The following TXK variants were observed in gnomAD, a reference collection of about 807,000 sequenced individuals.
TXK encodes tyrosine-protein kinase TXK.
In TXK, 60 loss-of-function variants were observed where a neutral mutation model predicts 81.0. The observed-to-expected ratio is 0.74, with a 90% CI of 0.60 to 0.92. TXK has a LOEUF of 0.92. Among genes scored for constraint, TXK ranks in the 40% least tolerant of loss-of-function variants. The pLI is 0.00. For missense variants in TXK, 581 were observed against 638.3 expected (o/e 0.91, Z 0.97); for synonymous variants, 203 against 210.7 (o/e 0.96, Z 0.32).
At chr4:48,088,589 T>C (rs1357981080) in intron 9 of TXK, among the ~76,000 whole-genome samples, 1 of 152,198 alleles carries the variant, frequency 6.6e-6, no homozygotes, top group Non-Finnish European at 1.5e-5. Flanking sequence ...TCCGATTCTG[T>C]TTATATAACG....
chr4:48,094,095 G>A lies in TXK; in HGVS notation c.691C>T (p.His231Tyr), dbSNP rs1297565975. 1 of 1,613,490 alleles carries A rather than the reference G, an allele frequency of 6.2e-7. No individual in the cohort carries two copies. Among genetic ancestry groups the A allele is most frequent in the African/African-American group, 1.3e-5 (1 of 74,920 alleles). ...CTCTTACCGGCTGCATTGTGCTGGT[G>A]ATACCAGATTAACTCAGGGATTGAT... ...FQSIPELIWY[H>Y]QHNAAGLMTR... Residue 231 changes from histidine (H) to tyrosine (Y), a missense_variant, in exon 8 of 15, where the codon CAC becomes TAC. Physicochemically the swap from His to Tyr is moderately conservative, Grantham distance 83. Coordinates refer to ENST00000264316, the MANE Select transcript of TXK (RefSeq NM_003328.3).
chr4:48,076,378 CAT>C (rs763504519), intron 12 of TXK, 22 bp downstream of exon 12: 39 of 1,500,578 alleles, frequency 2.6e-5, no homozygotes, highest in African/African-American at 9.9e-5. Flanking sequence ...AAACAAAATA[CAT>C]ATATATATAC....
intron 7 of TXK, among the ~76,000 whole-genome samples, 166 bp downstream of exon 7, chr4:48,094,977 T>C (rs905373727): frequency 7.2e-5 from 11 of 152,350 alleles, no homozygotes; most frequent in African/African-American, 9.6e-5. Context: ...AAGAAACTTA[T>C]GCAATGTCAC....
intron 10 of TXK, among the ~76,000 whole-genome samples, chr4:48,082,857 G>A (rs1717363288): frequency 6.6e-6 from 1 of 152,138 alleles, no homozygotes; most frequent in Admixed American, 6.5e-5. Flanking sequence ...CAGAGAATCG[G>A]CTGTTGGATG....
chr4:48,095,715 G>A (rs151251670), intron 6 of TXK, among the ~76,000 whole-genome samples: 4 of 152,272 alleles, frequency 2.6e-5, no homozygotes, highest in Admixed American at 6.5e-5. Context: ...ATATGGGGGA[G>A]TCTGAAAAGA....
In TXK at chr4:48,080,136, A is replaced by G. The variant is rs2109408888; in HGVS notation, c.957-8T>C. 3.7e-6 allele frequency: 6 copies of G among 1,604,714 alleles called. No homozygotes were observed. Among genetic ancestry groups the G allele is most frequent in the Non-Finnish European group, 5.1e-6 (6 of 1,171,538 alleles). On this transcript the variant is annotated splice_polypyrimidine_tract_variant and splice_region_variant and intron_variant, in intron 10 of 14. Transcript: ENST00000264316. The stretch of plus-strand genomic sequence containing the variant: ...TTTGAATGAGATAATTTCCTGGTGA[A>G]GAAAAACATACACCAGTGAGCAGAA...
chr4:48,127,671 T>C (rs1413261584), intron 1 of TXK, among the ~76,000 whole-genome samples: 1 of 152,242 alleles, frequency 6.6e-6, no homozygotes, highest in Non-Finnish European at 1.5e-5. Flanking sequence ...CGCTGTTCTT[T>C]TCATCTACTT....
At chr4:48,113,137 A>G (rs192121859) in intron 3 of TXK, 70 bp downstream of exon 3, 1 of 1,072,384 alleles carries the variant, frequency 9.3e-7, no homozygotes, top group African/African-American at 1.5e-5. Context: ...AACAAACAGC[A>G]CCTCATGAAT....
At chr4:48,114,206 A>C in intron 2 of TXK, 142 bp downstream of exon 2, 1 of 755,858 alleles carries the variant, frequency 1.3e-6, no homozygotes, top group Non-Finnish European at 2.2e-6. Context: ...CCTGTAAACA[A>C]ATAGGCATTC....
chr4:48,128,561 CTT>C (rs58431850), intron 1 of TXK, among the ~76,000 whole-genome samples: 46 of 85,278 alleles, frequency 5.4e-4, no homozygotes, highest in African/African-American at 2.1e-3. Context: ...CCACTACATC[CTT>C]TTTTTTTTTT....
In TXK at chr4:48,080,004, T is replaced by C. The variant is rs768323532; in HGVS notation, c.1081A>G (p.Lys361Glu). ...CTCAGTAGCATTTCCTTCCTAAGCT[T>C]TCCTTTATTCTCCCTGAGATAGTTA... ...LLNYLRENKG[K>E]LRKEMLLSVC... The change falls in exon 11 of 15, where the codon AAG becomes GAG. Residue 361 changes from lysine (K) to glutamate (E), a missense_variant. Transcript: ENST00000264316. 1.9e-6 allele frequency: 3 copies of C among 1,614,150 alleles called. No individual in the cohort carries two copies. Among genetic ancestry groups the C allele is most frequent in the Non-Finnish European group, 2.5e-6 (3 of 1,179,996 alleles).
chr4:48,113,161 A>C, intron 3 of TXK, 46 bp downstream of exon 3: 1 of 1,459,250 alleles, frequency 6.9e-7, no homozygotes, highest in Non-Finnish European at 9.6e-7. Context: ...GACTCTAAAA[A>C]GACAACCTTC....
intron 1 of TXK, among the ~76,000 whole-genome samples, chr4:48,120,328 G>A (rs6825192): frequency 0.29 from 42,252 of 146,970 alleles, 7,113 homozygotes; most frequent in Admixed American, 0.4. Flanking sequence ...ACATATATAC[G>A]TATATATACA....
Position 48,086,465 on chromosome 4 carries a change from C to T in TXK, c.956+1G>A. 1.2e-6 allele frequency: 2 copies of T among 1,613,940 alleles called. No individual in the cohort carries two copies. Among genetic ancestry groups the T allele is most frequent in the Non-Finnish European group, 1.7e-6 (2 of 1,179,888 alleles). On this transcript the variant is annotated splice_donor_variant, in intron 10 of 14. Transcript: ENST00000264316. LOFTEE classifies it high-confidence loss of function. ...TTTATCAGGGTGTTGTTTATACGTA[C>T]ATCATCACTTTGGCCTCTTCAATGA...
intron 6 of TXK, among the ~76,000 whole-genome samples, chr4:48,098,919 C>A (rs927620818): frequency 1.3e-5 from 2 of 148,962 alleles, no homozygotes; most frequent in Non-Finnish European, 3.0e-5. Flanking sequence ...GGCAACAGAG[C>A]AAGACTGTCA....
intron 9 of TXK, among the ~76,000 whole-genome samples, chr4:48,086,914 C>G (rs1353415242): frequency 1.3e-5 from 2 of 152,196 alleles, no homozygotes; most frequent in Non-Finnish European, 2.9e-5. Context: ...AGCGAACACA[C>G]TTCTGTGCCT....
At position 48,113,256 on chromosome 4, in the gene TXK, T is replaced by C. The variant is rs1490538514; in HGVS notation, c.125A>G (p.Tyr42Cys). 6.2e-7 allele frequency: 1 copy of C among 1,613,708 alleles called. No homozygotes were observed. Among genetic ancestry groups the C allele is most frequent in the East Asian group, 2.2e-5 (1 of 44,880 alleles). The change falls in exon 3 of 15, where the codon TAC becomes TGC. Residue 42 changes from tyrosine (Y) to cysteine (C), a missense_variant. Coordinates refer to ENST00000264316, the MANE Select transcript of TXK (RefSeq NM_003328.3). ...LSTDEELPEK[Y>C]TQRRRPWLSQ... Reference sequence around the variant, plus strand: ...GAGCCACGGCCTGCGACGCTGGGTGTATTTTTCTGGAAGCTCTTCATCTGT... The same window carrying C: ...GAGCCACGGCCTGCGACGCTGGGTGCATTTTTCTGGAAGCTCTTCATCTGT...
chr4:48,087,471 T>A, intron 9 of TXK, among the ~76,000 whole-genome samples: 1 of 151,928 alleles, frequency 6.6e-6, no homozygotes, highest in Non-Finnish European at 1.5e-5. Context: ...GGTCTCACTC[T>A]CTCACCCAGG....
intron 9 of TXK, 83 bp from the exon 10 acceptor site, chr4:48,086,720 A>G: frequency 2.3e-6 from 3 of 1,299,144 alleles, no homozygotes; most frequent in Non-Finnish European, 3.2e-6. Flanking sequence ...GGAAGTATCT[A>G]TTATTTGACA....
Sources: gnomAD v4.1 joint callset for allele counts (sites outside exome capture counted in the v4.1 genomes callset) on GRCh38, gnomAD v4.1.1 for gene constraint, MANE v1.5 for transcripts, NCBI Gene and HGNC (gene_info 2026-07-23, HGNC 2026-07-21) for gene names.